Variants in TSC2 observed in about 807,000 individuals in gnomAD.
TSC2 encodes the protein TSC complex subunit 2.
TSC2 carries 29 observed loss-of-function variants against 202.2 expected under a neutral mutation model. The ratio of observed to expected loss-of-function variants is 0.14; its 90% confidence interval spans 0.11 to 0.20. The LOEUF (loss-of-function observed/expected upper bound fraction) is 0.20, where lower values mean the gene tolerates loss of function less well. Ranked by LOEUF, TSC2 falls within the 10% of genes least tolerant of loss-of-function variation. The pLI is 1.00. For missense variants in TSC2, 2,429 were observed against 2,420.0 expected (o/e 1.00, Z -0.08); for synonymous variants, 1,349 against 1,044.0 (o/e 1.29, Z -5.63).
At chr16:2,049,953 C>CTTT (rs34020463) in intron 2 of TSC2, among the ~76,000 whole-genome samples, 2 of 135,472 alleles carry the variant, frequency 1.5e-5, no homozygotes, top group East Asian at 2.2e-4. Context: ...CTCAGTAAAT[C>CTTT]TTTTTTTTTT....
intron 13 of TSC2, 146 bp downstream of exon 13, chr16:2,062,746 C>T (rs1444694035): frequency 2.0e-6 from 2 of 995,340 alleles, no homozygotes; most frequent in Non-Finnish European, 3.1e-6. Context: ...TGAGCAGGTG[C>T]TAGCTTGCTT....
Position 2,088,614 on chromosome 16 carries a change from C to T in TSC2, c.*4C>T, listed in dbSNP as rs368282661. ...GGACTTCACCGAGTTTGTGTGAGGC[C>T]GGGGCCCTCCCTCCTGCACTGGCCT... is the stretch of plus-strand genomic sequence containing the variant. On this transcript the variant is annotated 3_prime_UTR_variant, in exon 42 of 42. Transcript: ENST00000219476. 3.5e-5 allele frequency: 56 copies of T among 1,600,208 alleles called. No individual in the cohort carries two copies. The highest frequency in any genetic ancestry group is 1.0e-4 in the Admixed American group (6 of 59,740).
At chr16:2,050,952 C>T (rs376494179) in intron 3 of TSC2, among the ~76,000 whole-genome samples, 1 of 152,070 alleles carries the variant, frequency 6.6e-6, no homozygotes. Context: ...GGAAATGCCC[C>T]GAATACAACC....
intron 36 of TSC2, among the ~76,000 whole-genome samples, chr16:2,085,880 G>A (rs939588403): frequency 5.9e-5 from 9 of 152,212 alleles, no homozygotes; most frequent in African/African-American, 2.2e-4. Flanking sequence ...GGCTCGAGGA[G>A]GTGGGTGGTG....
At position 2,075,875 on chromosome 16, in the gene TSC2, G is replaced by A. The variant is rs141486629; in HGVS notation, c.2622G>A (p.Pro874=). The change falls in exon 23 of 42, where the codon CCG becomes CCA. Residue 874 remains proline (P), a synonymous_variant. Transcript: ENST00000219476. The stretch of plus-strand genomic sequence containing the variant: ...CCAGTGTGTTCGCCATCTCCCTGCC[G>A]TACACCAACCCCTCCAAGTGAGTGG... ...QYASVFAISL[P]YTNPSKFNQY... 3.3e-5 allele frequency: 54 copies of A among 1,613,110 alleles called. No individual in the cohort carries two copies. Among genetic ancestry groups the A allele is most frequent in the African/African-American group, 2.0e-4 (15 of 75,050 alleles).
At chr16:2,080,770 C>A (rs941343167) in intron 30 of TSC2, 7 of 240,472 alleles carry the variant, frequency 2.9e-5, no homozygotes, top group African/African-American at 6.8e-5. Context: ...AGGCGTGAGC[C>A]ACCGCGCCCA....
At position 2,079,803 on chromosome 16, in the gene TSC2, G is replaced by A. The variant is rs960550141; in HGVS notation, c.3397+134G>A. ...CAGGCCCGGCCCACGTCCTGACTCT[G>A]GGGTGAGCCTTCCACAGCTCACCCC... On this transcript the variant is annotated intron_variant, in intron 29 of 41. Coordinates refer to ENST00000219476, the MANE Select transcript of TSC2 (RefSeq NM_000548.5). The surrounding 1 kb of genome is among the most constrained non-coding windows in gnomAD (Gnocchi z 4.6). 1.5e-5 allele frequency: 13 copies of A among 868,414 alleles called. No individual in the cohort carries two copies. The South Asian group carries it at 2.1e-4, about 14-fold the overall frequency. The allele number at this position is 868,414 out of a possible 1,614,324, so 53.8% of individuals were successfully genotyped here.
rs748936673 is a variant in TSC2, at chr16:2,088,483, C to G, written c.5297C>G (p.Pro1766Arg). ...GCCGCCTACTCCAACCCCAGCCTAC[C>G]TCTGGTGCACCCTCCGTCCCATAGC... ...EEAAYSNPSL[P>R]LVHPPSHSKA... Residue 1766 changes from proline (P) to arginine (R), a missense_variant, in exon 42 of 42, where the codon CCT (proline) becomes CGT (arginine). Pro to Arg is a moderately radical substitution (Grantham distance 103). Coordinates refer to ENST00000219476, the MANE Select transcript of TSC2 (RefSeq NM_000548.5). The G allele has an allele frequency of 1.2e-6, 2 of 1,612,950 alleles. No individual in the cohort carries two copies. Among genetic ancestry groups the G allele is most frequent in the South Asian group, 1.1e-5 (1 of 91,090 alleles).
intron 24 of TSC2, 32 bp from the exon 25 acceptor site, chr16:2,076,459 C>T (rs1487843470): frequency 6.2e-7 from 1 of 1,612,214 alleles, no homozygotes; most frequent in South Asian, 1.1e-5. Context: ...CCATTGCCAC[C>T]CCTCACTGTC....
At chr16:2,063,927 C>T in intron 14 of TSC2, 3 of 422,528 alleles carry the variant, frequency 7.1e-6, no homozygotes, top group South Asian at 2.1e-5. Context: ...CACACACACC[C>T]TCACGCACAC....
Position 2,087,843 on chromosome 16 carries a change from C to T in TSC2, c.4990-20C>T, listed in dbSNP as rs762508695. On this transcript the variant is annotated intron_variant, in intron 38 of 41. Coordinates refer to ENST00000219476, the MANE Select transcript of TSC2 (RefSeq NM_000548.5). Reference sequence around the variant, plus strand: ...AGCACACGCTGTGTGCGGGGATGACCCTTTCTCTTGTCCGGGCAGGGCCAG... The same window carrying T: ...AGCACACGCTGTGTGCGGGGATGACTCTTTCTCTTGTCCGGGCAGGGCCAG... 3 of 1,612,010 alleles carry T rather than the reference C, an allele frequency of 1.9e-6. No homozygotes were observed. Among genetic ancestry groups the T allele is most frequent in the Non-Finnish European group, 2.5e-6 (3 of 1,179,704 alleles).
At chr16:2,076,350 C>T (rs2089365023) in intron 24 of TSC2, 141 bp from the exon 25 acceptor site, 2 of 1,559,816 alleles carry the variant, frequency 1.3e-6, no homozygotes, top group East Asian at 2.3e-5. Context: ...GCGCGGCAGG[C>T]ATTGAGGGGT....
chr16:2,066,623 C>G lies in TSC2; in HGVS notation c.1716+988C>G, dbSNP rs1031667145. Among the ~76,000 whole-genome samples the G allele has an allele frequency of 2.0e-4, 30 of 149,400 alleles. 1 individual carries two copies. The highest frequency in any genetic ancestry group is 2.1e-4 in the Non-Finnish European group (14 of 67,608). On this transcript the variant is annotated intron_variant, in intron 16 of 41. Transcript: ENST00000219476. ...GGTGCTGTGCCATTTTCCATCCACT[C>G]GAGCAGCATGTAAGGGTTCTGATTT...
chr16:2,073,808 C>T (rs559638251), intron 21 of TSC2, among the ~76,000 whole-genome samples: 5 of 152,272 alleles, frequency 3.3e-5, no homozygotes, highest in Non-Finnish European at 7.3e-5. Context: ...GGCCATCTGG[C>T]CCCGGGCTCT....
At chr16:2,062,396 G>C in intron 12 of TSC2, 101 bp from the exon 13 acceptor site, 2 of 1,150,850 alleles carry the variant, frequency 1.7e-6, no homozygotes, top group Non-Finnish European at 2.5e-6. Context: ...CTGTGAGGCG[G>C]CTGGGCTCTG....
chr16:2,053,619 A>T, intron 4 of TSC2, 167 bp downstream of exon 4: 1 of 729,220 alleles, frequency 1.4e-6, no homozygotes, highest in Non-Finnish European at 2.4e-6. Context: ...TGGTGTCATG[A>T]GGTCTGTGTG....
At chr16:2,057,015 A>G in intron 8 of TSC2, 90 bp from the exon 9 acceptor site, 2 of 1,508,828 alleles carry the variant, frequency 1.3e-6, no homozygotes, top group Non-Finnish European at 1.8e-6. Context: ...GGGTGGCTAT[A>G]GGGCAGCAGC....
Position 2,057,045 on chromosome 16 carries a change from G to T in TSC2, c.775-60G>T, listed in dbSNP as rs544672248. 3.1e-5 allele frequency: 48 copies of T among 1,544,446 alleles called. No individual in the cohort carries two copies. In the African/African-American group the frequency reaches 5.6e-4, roughly 18 times the overall value. On this transcript the variant is annotated intron_variant, in intron 8 of 41. Coordinates refer to ENST00000219476, the MANE Select transcript of TSC2 (RefSeq NM_000548.5). The stretch of plus-strand genomic sequence containing the variant: ...AGCAGCCAGGCGGGGCCAGCAGCGG[G>T]ACTGGGGCTGGGGGCAGGGCTTATG...
intron 16 of TSC2, among the ~76,000 whole-genome samples, chr16:2,066,873 G>C (rs1269895778): frequency 1.3e-5 from 2 of 151,938 alleles, no homozygotes; most frequent in Non-Finnish European, 2.9e-5. Context: ...TGTTGGCCAG[G>C]CTGGTCTTGA....
Sources: gnomAD v4.1 joint callset for allele counts (sites outside exome capture counted in the v4.1 genomes callset) on GRCh38, gnomAD v4.1.1 for gene constraint, Gnocchi (gnomAD v3.1) non-coding constraint, MANE v1.5 for transcripts, NCBI Gene and HGNC (gene_info 2026-07-23, HGNC 2026-07-21) for gene names.